VWA8: variants seen among roughly 807,000 people sequenced by gnomAD.
VWA8 encodes the protein von Willebrand factor A domain-containing protein 8.
VWA8 carries 221 observed loss-of-function variants against 241.5 expected under a neutral mutation model. The observed-to-expected ratio is 0.91, with a 90% CI of 0.82 to 1.02. The LOEUF (loss-of-function observed/expected upper bound fraction) is 1.02. Among genes scored for constraint, VWA8 ranks in the 50% least tolerant of loss-of-function variants. The pLI is 0.00. For missense variants in VWA8, 2,322 were observed against 2,328.7 expected (o/e 1.00, Z 0.06); for synonymous variants, 852 against 827.1 (o/e 1.03, Z -0.52).
At chr13:41,719,990 T>C (rs998230228) in intron 25 of VWA8, among the ~76,000 whole-genome samples, 1 of 152,024 alleles carries the variant, frequency 6.6e-6, no homozygotes, top group Admixed American at 6.6e-5. Flanking sequence ...TCTCAAATGT[T>C]AGAGCAGTGC....
At chr13:41,825,050 T>A (rs186500214) in intron 14 of VWA8, among the ~76,000 whole-genome samples, 1 of 152,256 alleles carries the variant, frequency 6.6e-6, no homozygotes, top group East Asian at 1.9e-4. Context: ...CAAGGCACAG[T>A]TACTAGTCAA....
chr13:41,868,946 A>T (rs975917140), intron 9 of VWA8, among the ~76,000 whole-genome samples: 26 of 151,492 alleles, frequency 1.7e-4, no homozygotes, highest in Admixed American at 1.2e-3. Flanking sequence ...GTTAACGAAA[A>T]TTTTTTTCTA....
chr13:41,778,923 G>C (rs1441299583), intron 19 of VWA8, among the ~76,000 whole-genome samples: 1 of 132,486 alleles, frequency 7.5e-6, no homozygotes, highest in Non-Finnish European at 1.5e-5. Context: ...CTCACTGCAA[G>C]CTCCGCCTCC....
chr13:41,804,535 A>C (rs1019406195), intron 17 of VWA8, among the ~76,000 whole-genome samples: 2 of 152,078 alleles, frequency 1.3e-5, no homozygotes, highest in African/African-American at 4.8e-5. Flanking sequence ...TTAATTTAAA[A>C]ATTAAAAAAA....
intron 37 of VWA8, among the ~76,000 whole-genome samples, chr13:41,642,453 G>A (rs1469673989): frequency 6.6e-6 from 1 of 151,674 alleles, no homozygotes; most frequent in Non-Finnish European, 1.5e-5. Context: ...CAGCTACTCG[G>A]GAGGCTGAGG....
intron 37 of VWA8, among the ~76,000 whole-genome samples, chr13:41,662,672 T>C (rs2044958644): frequency 6.6e-6 from 1 of 152,002 alleles, no homozygotes; most frequent in Non-Finnish European, 1.5e-5. Flanking sequence ...ATTGCTCCTT[T>C]TCTTTTTTAA....
At position 41,764,740 on chromosome 13, in the gene VWA8, G is replaced by C. The variant is rs2045767634; in HGVS notation, c.2350-3536C>G. Reference sequence around the variant, plus strand: ...TCAGAAGCTAGAGAAAAGTGAGAAAGGGAGTGGTAAGAAACCAGGCTAGAA... The same window carrying C: ...TCAGAAGCTAGAGAAAAGTGAGAAACGGAGTGGTAAGAAACCAGGCTAGAA... On this transcript the variant is annotated intron_variant, in intron 20 of 44. Transcript: ENST00000379310. Among the ~76,000 whole-genome samples the C allele has an allele frequency of 2.6e-5, 4 of 152,174 alleles. No homozygotes were observed. The South Asian group carries it at 8.3e-4, about 32-fold the overall frequency.
intron 37 of VWA8, among the ~76,000 whole-genome samples, chr13:41,617,960 T>C (rs1472933939): frequency 1.3e-4 from 20 of 151,456 alleles, no homozygotes; most frequent in Middle Eastern, 3.4e-3. Flanking sequence ...GTCTTTATAG[T>C]AGCATGATTT....
intron 16 of VWA8, among the ~76,000 whole-genome samples, chr13:41,813,051 T>C (rs1257787376): frequency 6.6e-6 from 1 of 152,072 alleles, no homozygotes; most frequent in African/African-American, 2.4e-5. Flanking sequence ...TGAGACCAGC[T>C]TTACTAGAAG....
intron 44 of VWA8, 41 bp downstream of exon 44, chr13:41,570,427 C>G (rs1352906967): frequency 4.5e-6 from 7 of 1,562,334 alleles, no homozygotes; most frequent in Non-Finnish European, 6.2e-6. Flanking sequence ...TACTCAGTAT[C>G]TCTGTACCTG....
intron 4 of VWA8, among the ~76,000 whole-genome samples, chr13:41,902,047 C>T (rs937916406): frequency 2.7e-5 from 4 of 150,918 alleles, no homozygotes; most frequent in Non-Finnish European, 4.4e-5. Context: ...AGATCTTCCC[C>T]GACTGTCCAA....
intron 39 of VWA8, among the ~76,000 whole-genome samples, chr13:41,607,837 A>AT (rs2044562559): frequency 6.6e-6 from 1 of 152,116 alleles, no homozygotes; most frequent in Non-Finnish European, 1.5e-5. Context: ...AGCATCCATT[A>AT]TATGTTAGGT....
At chr13:41,620,722 T>C (rs1195360318) in intron 37 of VWA8, among the ~76,000 whole-genome samples, 1 of 152,212 alleles carries the variant, frequency 6.6e-6, no homozygotes, top group Non-Finnish European at 1.5e-5. Flanking sequence ...TCAGAATCTA[T>C]GGCTGGTTTT....
chr13:41,788,020 A>G (rs1869285611), intron 17 of VWA8, among the ~76,000 whole-genome samples: 1 of 152,144 alleles, frequency 6.6e-6, no homozygotes, highest in Non-Finnish European at 1.5e-5. Context: ...CGTTCTTCCT[A>G]TTAAAAAATA....
intron 26 of VWA8, among the ~76,000 whole-genome samples, 195 bp from the exon 27 acceptor site, chr13:41,703,606 C>T (rs1335960035): frequency 6.6e-6 from 1 of 152,138 alleles, no homozygotes; most frequent in Non-Finnish European, 1.5e-5. Flanking sequence ...AAAGATCTCG[C>T]ATTTCAGAAA....
At position 41,889,811 on chromosome 13, in the gene VWA8, T is replaced by A. The variant is rs146500264; in HGVS notation, c.651+1609A>T. On this transcript the variant is annotated intron_variant, in intron 5 of 44. Coordinates refer to ENST00000379310, the MANE Select transcript of VWA8 (RefSeq NM_015058.2). The stretch of plus-strand genomic sequence containing the variant: ...AAGTAACTCCTATACTTAAAAAAAA[T>A]GATTCCATATTCTGAGTATTTTTTT... Among the ~76,000 whole-genome samples, 512 of 152,336 alleles carry A rather than the reference T, an allele frequency of 3.4e-3. 6 individuals are homozygous for A. In the Middle Eastern group the frequency reaches 0.041, roughly 12 times the overall value.
At chr13:41,581,033 G>GCT (rs2044379356) in intron 42 of VWA8, among the ~76,000 whole-genome samples, 2 of 76,290 alleles carry the variant, frequency 2.6e-5, no homozygotes, top group Admixed American at 2.8e-4. Flanking sequence ...ACGGAGTCTC[G>GCT]CTGTCGTCCA....
At chr13:41,795,331 C>T (rs1869642730) in intron 17 of VWA8, among the ~76,000 whole-genome samples, 1 of 152,114 alleles carries the variant, frequency 6.6e-6, no homozygotes, top group African/African-American at 2.4e-5. Context: ...AATAGGAATG[C>T]TTTTACACTG....
intron 29 of VWA8, among the ~76,000 whole-genome samples, chr13:41,698,809 A>C (rs1398351298): frequency 6.6e-6 from 1 of 152,176 alleles, no homozygotes; most frequent in Non-Finnish European, 1.5e-5. Context: ...ACAAAGAATC[A>C]TCTGACCTCA....
Sources: allele counts gnomAD v4.1 joint callset (sites outside exome capture counted in the v4.1 genomes callset), GRCh38; gene constraint gnomAD v4.1.1; transcripts MANE v1.5; gene names NCBI Gene and HGNC (gene_info 2026-07-23, HGNC 2026-07-21).